The following CCPG1 variants were observed in gnomAD, a reference collection of about 807,000 sequenced individuals.
CCPG1 encodes cell cycle progression protein 1.
A neutral mutation model predicts 81.3 loss-of-function variants in CCPG1; 46 were observed. The ratio of observed to expected loss-of-function variants is 0.57; its 90% CI spans 0.45 to 0.72. The LOEUF is 0.72. Among genes scored for constraint, CCPG1 ranks in the 30% least tolerant of loss-of-function variants. CCPG1 has a pLI of 0.00. For missense variants in CCPG1, 902 were observed against 937.6 expected, an observed-to-expected ratio of 0.96 and a Z score of 0.50; for synonymous variants, 330 against 305.2, an observed-to-expected ratio of 1.08 and a Z score of -0.85.
intron 6 of CCPG1, among the ~76,000 whole-genome samples, chr15:55,370,434 T>C (rs79293076): frequency 4.6e-5 from 7 of 152,312 alleles, no homozygotes; most frequent in South Asian, 2.1e-4. Context: ...AATTCCAATA[T>C]AGCAAAGAGA....
chr15:55,359,803 C>T lies in CCPG1; in HGVS notation c.1970G>A (p.Arg657Lys), dbSNP rs1449811483. The T allele has an allele frequency of 6.2e-7, 1 of 1,613,226 alleles. No homozygotes were observed. Among genetic ancestry groups the T allele is most frequent in the South Asian group, 1.1e-5 (1 of 91,026 alleles). Reference protein sequence around the residue: ...VVNPIRMDEFRQIIQRYMLKE... With the variant: ...VVNPIRMDEFKQIIQRYMLKE... ...TAACATGTACCTTTGAATTATCTGT[C>T]TAAATTCATCCATCCTTATAGGATT... is the stretch of plus-strand genomic sequence containing the variant. The change falls in exon 8 of 9, where the codon AGA (arginine) becomes AAA (lysine). Residue 657 changes from arginine to lysine, a missense_variant. Transcript: ENST00000442196.
In CCPG1 at chr15:55,368,335, T is replaced by C. The variant is rs142063637; in HGVS notation, c.707-3026A>G. Among the ~76,000 whole-genome samples the C allele has an allele frequency of 1.4e-3, 206 of 152,328 alleles. 2 individuals carry two copies. Among genetic ancestry groups the C allele is most frequent in the African/African-American group, 4.7e-3 (197 of 41,570 alleles). ...GTCTTCCTCAGGTTATCAGATTCTC[T>C]GTCGCTGGAATGTTCCACCTTCCCT... On this transcript the variant is annotated intron_variant, in intron 6 of 8. Coordinates refer to ENST00000442196, the MANE Select transcript of CCPG1 (RefSeq NM_001204450.2).
chr15:55,386,950 T>C (rs560162682), intron 2 of CCPG1, among the ~76,000 whole-genome samples: 1 of 151,590 alleles, frequency 6.6e-6, no homozygotes, highest in South Asian at 2.1e-4. Context: ...CTAATGAGAA[T>C]TCGGAATGCA....
At chr15:55,371,634 C>A (rs1041181417) in intron 6 of CCPG1, among the ~76,000 whole-genome samples, 159 bp downstream of exon 6, 1 of 152,140 alleles carries the variant, frequency 6.6e-6, no homozygotes, top group African/African-American at 2.4e-5. Flanking sequence ...ATAGGCAGCA[C>A]CCACTTCCCG....
intron 3 of CCPG1, among the ~76,000 whole-genome samples, chr15:55,383,703 T>C (rs1007916664): frequency 7.9e-5 from 12 of 152,228 alleles, no homozygotes; most frequent in Admixed American, 3.9e-4. Context: ...GTTACGGACA[T>C]AGCTTCTTTC....
intron 8 of CCPG1, chr15:55,356,633 G>C (rs1160755266): frequency 8.1e-7 from 1 of 1,227,078 alleles, no homozygotes; most frequent in African/African-American, 1.6e-5. Context: ...TGGCAAAAAA[G>C]GGAAACACTC....
intron 5 of CCPG1, 100 bp from the exon 6 acceptor site, chr15:55,372,144 T>G: frequency 8.6e-7 from 1 of 1,165,636 alleles, no homozygotes; most frequent in Non-Finnish European, 1.2e-6. Flanking sequence ...TACATGCCTT[T>G]CTACATAAGA....
At chr15:55,364,897 A>G (rs1052953531) in intron 7 of CCPG1, among the ~76,000 whole-genome samples, 5 of 152,128 alleles carry the variant, frequency 3.3e-5, no homozygotes, top group Non-Finnish European at 5.9e-5. Context: ...ACAAACAAAA[A>G]CAAACTAGCT....
At chr15:55,369,284 C>T (rs930839001) in intron 6 of CCPG1, among the ~76,000 whole-genome samples, 1 of 151,904 alleles carries the variant, frequency 6.6e-6, no homozygotes, top group Non-Finnish European at 1.5e-5. Context: ...GCCTGTAATC[C>T]CAGCACTTTG....
intron 5 of CCPG1, among the ~76,000 whole-genome samples, chr15:55,375,601 G>A (rs7177362): frequency 1.3e-5 from 2 of 151,804 alleles, no homozygotes; most frequent in East Asian, 3.9e-4. Flanking sequence ...GCTGGAAAAA[G>A]TGTTTTCACG....
At chr15:55,359,416 G>C (rs897169247) in intron 8 of CCPG1, 123 bp downstream of exon 8, 36 of 1,442,984 alleles carry the variant, frequency 2.5e-5, no homozygotes, top group Non-Finnish European at 3.1e-5. Flanking sequence ...AATTCTCTCA[G>C]TGGCCATAAA....
rs753034527 is a variant in CCPG1 at position 55,360,657 on chromosome 15, C to T, written c.1116G>A (p.Arg372=). The change falls in exon 8 of 9, where the codon AGG becomes AGA. Residue 372 remains arginine (R), a synonymous_variant. Transcript: ENST00000442196. ...TCTTTGCTTCTGTCAACAGAGTCTC[C>T]CTTTGACTAAGAAAGCTGTGTTTTT... ...KQKKHSFLSQ[R]ETLLTEAKML... 6.2e-7 allele frequency: 1 copy of T among 1,614,078 alleles called. No individual in the cohort carries two copies. Among genetic ancestry groups the T allele is most frequent in the Non-Finnish European group, 8.5e-7 (1 of 1,180,018 alleles).
chr15:55,389,267 T>A (rs1477532783), intron 2 of CCPG1, 98 bp downstream of exon 2: 1 of 869,964 alleles, frequency 1.1e-6, no homozygotes, highest in Non-Finnish European at 1.8e-6. Context: ...AACTTTTTGC[T>A]TAAAGGTAGA....
intron 8 of CCPG1, 91 bp downstream of exon 8, chr15:55,359,448 A>G: frequency 6.7e-7 from 1 of 1,487,334 alleles, no homozygotes; most frequent in Non-Finnish European, 8.9e-7. Flanking sequence ...AGAAACGGTA[A>G]CCTTACAAGA....
chr15:55,404,230 AACG>A (rs773515882), intron 1 of CCPG1, among the ~76,000 whole-genome samples: 22 of 91,680 alleles, frequency 2.4e-4, no homozygotes, highest in Non-Finnish European at 5.6e-4. Flanking sequence ...CCTGAAAAAC[AACG>A]TGTTACCAGT....
chr15:55,381,403 T>C (rs892168089), intron 3 of CCPG1, among the ~76,000 whole-genome samples: 3 of 152,136 alleles, frequency 2.0e-5, no homozygotes, highest in Non-Finnish European at 4.4e-5. Context: ...GCCACTGCAC[T>C]CCAGCCTGGG....
intron 7 of CCPG1, among the ~76,000 whole-genome samples, chr15:55,364,804 T>G (rs117822780): frequency 0.025 from 3,516 of 138,902 alleles, 220 homozygotes; most frequent in Non-Finnish European, 0.041. Context: ...ACCCAGGAGG[T>G]GGAAGTTGCA....
At chr15:55,396,365 T>C (rs1220555210) in intron 1 of CCPG1, among the ~76,000 whole-genome samples, 1 of 152,224 alleles carries the variant, frequency 6.6e-6, no homozygotes, top group Non-Finnish European at 1.5e-5. Context: ...GACAATAAAC[T>C]TGAAGCTCTG....
At chr15:55,389,061 T>C (rs2056860509) in intron 2 of CCPG1, among the ~76,000 whole-genome samples, 1 of 53,616 alleles carries the variant, frequency 1.9e-5, no homozygotes, top group Non-Finnish European at 4.4e-5. Context: ...AGAGTGAGAC[T>C]CTGTCTCAAA....
Sources: gnomAD v4.1 joint callset for allele counts (sites outside exome capture counted in the v4.1 genomes callset) on GRCh38, gnomAD v4.1.1 for gene constraint, MANE v1.5 for transcripts, NCBI Gene and HGNC (gene_info 2026-07-23, HGNC 2026-07-21) for gene names.